KMO: variants seen among roughly 807,000 people sequenced by gnomAD.
KMO encodes the protein kynurenine 3-hydroxylase.
A neutral mutation model predicts 57.8 loss-of-function variants in KMO; 24 were observed. The ratio of observed to expected loss-of-function variants is 0.42; its 90% CI spans 0.30 to 0.58. KMO has a LOEUF of 0.58. Among genes scored for constraint, KMO ranks in the 20% least tolerant of loss-of-function variants. KMO has a pLI of 0.22. For synonymous variants in KMO, 210 were observed against 193.6 expected (o/e 1.08, Z -0.70); for missense variants, 483 against 588.2 (o/e 0.82, Z 1.85).
chr1:241,539,401 C>A (rs1332472224), intron 1 of KMO, among the ~76,000 whole-genome samples: 5 of 127,388 alleles, frequency 3.9e-5, no homozygotes, highest in African/African-American at 1.8e-4. Flanking sequence ...TTCCAGAAAG[C>A]AGCAATAGCT....
At chr1:241,589,442 A>C (rs1395666250) in intron 12 of KMO, among the ~76,000 whole-genome samples, 1 of 152,206 alleles carries the variant, frequency 6.6e-6, no homozygotes, top group African/African-American at 2.4e-5. Context: ...GTGACCAGCT[A>C]TTTGCCATCT....
At position 241,586,717 on chromosome 1, in the gene KMO, T is replaced by G; in HGVS notation, c.996T>G (p.Asp332Glu). The change falls in exon 11 of 15, where the codon GAT becomes GAG. Residue 332 changes from aspartate to glutamate, a missense_variant. Transcript: ENST00000366559. ...EDCLVFDELM[D>E]KFSNDLSLCL... ...GCTTGGTATTTGATGAGTTAATGGA[T>G]AAATTCAGTAACGACCTTAGTAAGT... 1 of 1,605,666 alleles carries G rather than the reference T, an allele frequency of 6.2e-7. No homozygotes were observed. Among genetic ancestry groups the G allele is most frequent in the African/African-American group, 1.3e-5 (1 of 74,524 alleles).
intron 9 of KMO, 118 bp from the exon 10 acceptor site, chr1:241,568,382 T>C (rs1046314058): frequency 1.5e-5 from 15 of 992,680 alleles, no homozygotes; most frequent in Non-Finnish European, 2.1e-5. Context: ...TGTTTTCTTC[T>C]TGGCATTCTT....
chr1:241,558,278 C>T (rs1212543786), intron 5 of KMO, among the ~76,000 whole-genome samples: 2 of 152,218 alleles, frequency 1.3e-5, no homozygotes, highest in African/African-American at 4.8e-5. Context: ...TAGGAATGTG[C>T]TGCATGGCAC....
intron 1 of KMO, among the ~76,000 whole-genome samples, chr1:241,537,910 G>T (rs1440536185): frequency 6.6e-6 from 1 of 152,164 alleles, no homozygotes; most frequent in African/African-American, 2.4e-5. Flanking sequence ...TGAGATTTGG[G>T]TGGGGACACA....
intron 1 of KMO, among the ~76,000 whole-genome samples, chr1:241,537,699 T>C (rs1422385545): frequency 6.6e-6 from 1 of 151,944 alleles, no homozygotes; most frequent in African/African-American, 2.4e-5. Flanking sequence ...ATGATGATGG[T>C]GAAAGGCAAA....
chr1:241,552,609 G>C (rs558467686), intron 4 of KMO, among the ~76,000 whole-genome samples: 1 of 152,194 alleles, frequency 6.6e-6, no homozygotes, highest in South Asian at 2.1e-4. Flanking sequence ...GTCCGGATTT[G>C]AAATATATCT....
rs1256644214 is a variant in KMO at position 241,588,888 on chromosome 1, GTTCTT to G, written c.1098+66_1098+70del. The G allele has an allele frequency of 3.9e-6, 5 of 1,293,446 alleles. No individual in the cohort carries two copies. In the African/African-American group the frequency reaches 5.9e-5, roughly 15 times the overall value. The allele number at this position is 1,293,446 out of a possible 1,614,324, so 80.1% of individuals were successfully genotyped here. On this transcript the variant is annotated intron_variant, in intron 12 of 14. Transcript: ENST00000366559. ...ATGGTTCACTGATATTCTAACAAGT[GTTCTT>G]TTCTTTTTCTTTGCTTCAGCCCCCA...
In KMO at chr1:241,562,261, C is replaced by A. The variant is rs777000249; in HGVS notation, c.544C>A (p.Arg182Ser). The A allele has an allele frequency of 6.2e-7, 1 of 1,614,158 alleles. No homozygotes were observed. Among genetic ancestry groups the A allele is most frequent in the Admixed American group, 1.7e-5 (1 of 60,026 alleles). ...CAGATCTCACCTGATGAAGAAACCT[C>A]GCTTTGATTACAGTCAGCAGTACAT... is the stretch of plus-strand genomic sequence containing the variant. ...TVRSHLMKKP[R>S]FDYSQQYIPH... The change falls in exon 7 of 15, where the codon CGC becomes AGC. Residue 182 changes from arginine to serine, a missense_variant. Coordinates refer to ENST00000366559, the MANE Select transcript of KMO (RefSeq NM_003679.5).
intron 14 of KMO, 40 bp from the exon 15 acceptor site, chr1:241,591,913 T>C: frequency 6.5e-7 from 1 of 1,529,754 alleles, no homozygotes; most frequent in Non-Finnish European, 9.1e-7. Context: ...CAGATTTTAA[T>C]CTCTGGACAA....
intron 7 of KMO, 108 bp downstream of exon 7, chr1:241,562,440 GC>G: frequency 2.8e-6 from 3 of 1,086,944 alleles, no homozygotes; most frequent in Non-Finnish European, 4.1e-6. Flanking sequence ...CCATTTTGAG[GC>G]CTATCACAAG....
chr1:241,561,171 TG>T (rs1223438548), intron 6 of KMO, among the ~76,000 whole-genome samples: 1 of 152,200 alleles, frequency 6.6e-6, no homozygotes, highest in Non-Finnish European at 1.5e-5. Flanking sequence ...TCCACGCTCA[TG>T]GGTTCAACAA....
chr1:241,558,164 C>T (rs1352801037), intron 5 of KMO, among the ~76,000 whole-genome samples: 1 of 152,134 alleles, frequency 6.6e-6, no homozygotes, highest in Admixed American at 6.5e-5. Context: ...TGACTTCTGC[C>T]TCCAATATTA....
chr1:241,563,915 G>T (rs1661975930), intron 7 of KMO, among the ~76,000 whole-genome samples: 1 of 152,056 alleles, frequency 6.6e-6, no homozygotes, highest in Non-Finnish European at 1.5e-5. Flanking sequence ...GTTGGAGTTG[G>T]GGGCAAGAGA....
At chr1:241,563,595 T>C (rs1661960135) in intron 7 of KMO, among the ~76,000 whole-genome samples, 1 of 152,238 alleles carries the variant, frequency 6.6e-6, no homozygotes, top group Non-Finnish European at 1.5e-5. Context: ...CTGATAACTC[T>C]GGATATAGGA....
intron 1 of KMO, among the ~76,000 whole-genome samples, chr1:241,542,496 G>C (rs1231846511): frequency 6.6e-6 from 1 of 152,214 alleles, no homozygotes; most frequent in East Asian, 1.9e-4. Flanking sequence ...TCATAAAAAT[G>C]TTTAATTTGC....
intron 10 of KMO, among the ~76,000 whole-genome samples, chr1:241,585,373 A>T (rs902953179): frequency 6.6e-6 from 1 of 152,182 alleles, no homozygotes; most frequent in East Asian, 1.9e-4. Flanking sequence ...TCTCACTTCT[A>T]TAGTATTGAG....
chr1:241,563,109 C>A (rs1233383201), intron 7 of KMO, among the ~76,000 whole-genome samples: 1 of 152,108 alleles, frequency 6.6e-6, no homozygotes, highest in African/African-American at 2.4e-5. Flanking sequence ...ATGATTAAAT[C>A]AAATAATAGT....
chr1:241,557,390 A>G (rs1170966958), intron 5 of KMO, among the ~76,000 whole-genome samples: 1 of 152,160 alleles, frequency 6.6e-6, no homozygotes, highest in Non-Finnish European at 1.5e-5. Flanking sequence ...GGAGCCCAGT[A>G]GACTCTGATT....
Sources: gnomAD v4.1 joint callset for allele counts (sites outside exome capture counted in the v4.1 genomes callset) on GRCh38, gnomAD v4.1.1 for gene constraint, MANE v1.5 for transcripts, NCBI Gene and HGNC (gene_info 2026-07-23, HGNC 2026-07-21) for gene names.